CDK14: variants seen among roughly 807,000 people sequenced by gnomAD.
CDK14 encodes the protein cyclin dependent kinase 14.
Under a neutral mutation model 60.7 loss-of-function variants are expected in CDK14, and 34 were observed. That is an observed-to-expected ratio of 0.56 (90% confidence interval 0.43 to 0.75). The LOEUF is 0.75. Among genes scored for constraint, CDK14 ranks in the 30% least tolerant of loss-of-function variants. The pLI is 0.00. For missense variants in CDK14, 482 were observed against 564.1 expected (o/e 0.85, Z 1.47); for synonymous variants, 197 against 203.7 (o/e 0.97, Z 0.28).
intron 8 of CDK14, among the ~76,000 whole-genome samples, chr7:90,922,944 T>A (rs1793295000): frequency 6.6e-6 from 1 of 152,024 alleles, no homozygotes; most frequent in South Asian, 2.1e-4. Context: ...CCTCCCCCAC[T>A]ATTAACATCT....
chr7:91,086,246 C>G (rs1584036141), intron 12 of CDK14, among the ~76,000 whole-genome samples: 2 of 152,154 alleles, frequency 1.3e-5, no homozygotes, highest in African/African-American at 4.8e-5. Context: ...CTGGAGTACC[C>G]AATAAGCATA....
At chr7:90,949,592 TAAATA>T (rs963136474) in intron 8 of CDK14, among the ~76,000 whole-genome samples, 6 of 152,204 alleles carry the variant, frequency 3.9e-5, no homozygotes, top group Non-Finnish European at 8.8e-5. Flanking sequence ...CAGGGATAAT[TAAATA>T]AAATCAAATA....
rs1802937586 is a variant in CDK14 at position 91,207,420 on chromosome 7, T to C, written c.*284T>C. The C allele has an allele frequency of 6.6e-6, 1 of 152,604 alleles. No homozygotes were observed. The highest frequency in any genetic ancestry group is 2.4e-5 in the African/African-American group (1 of 41,478). 9.5% of individuals were successfully genotyped at this position (152,604 alleles called of 1,614,324 possible). On this transcript the variant is annotated 3_prime_UTR_variant, in exon 15 of 15. Coordinates refer to ENST00000380050, the MANE Select transcript of CDK14 (RefSeq NM_001287135.2). ...ACATGGCATGTATTCTTTTCAGTCT[T>C]TTGTGTTTGATTTTGTTTGATTTCC...
intron 2 of CDK14, among the ~76,000 whole-genome samples, chr7:90,671,601 A>T (rs916744418): frequency 1.3e-5 from 2 of 152,014 alleles, no homozygotes; most frequent in African/African-American, 4.8e-5. Context: ...AAGCTCGTAT[A>T]TTTTTATCTT....
rs149643611 is a variant in CDK14 at position 91,193,484 on chromosome 7, G to A, written c.*29-13681G>A. 4.8e-3 allele frequency among the ~76,000 whole-genome samples: 730 copies of A among 152,112 alleles called. 2 individuals are homozygous for A. Among genetic ancestry groups the A allele is most frequent in the Non-Finnish European group, 8.3e-3 (563 of 67,994 alleles). On this transcript the variant is annotated intron_variant, in intron 14 of 14. Transcript: ENST00000380050. The stretch of plus-strand genomic sequence containing the variant: ...GTCCACTGAGGGTTTGGTGAGAGTA[G>A]GAAAGGGGCAACATTAAAGACATTT...
chr7:90,745,487 C>G (rs1031655531), intron 3 of CDK14, among the ~76,000 whole-genome samples: 1 of 152,124 alleles, frequency 6.6e-6, no homozygotes, highest in African/African-American at 2.4e-5. Flanking sequence ...AGCCATTGAG[C>G]TTATTACTTT....
chr7:90,844,255 A>G (rs947714469), intron 5 of CDK14, among the ~76,000 whole-genome samples: 1 of 152,174 alleles, frequency 6.6e-6, no homozygotes, highest in Non-Finnish European at 1.5e-5. Context: ...GTAAATTCTA[A>G]TCTGCTTTTG....
chr7:90,956,589 A>T (rs1038506235), intron 9 of CDK14, among the ~76,000 whole-genome samples: 3 of 152,130 alleles, frequency 2.0e-5, no homozygotes, highest in African/African-American at 7.2e-5. Flanking sequence ...TACATAGCAC[A>T]TGGCTATTTT....
Position 90,621,328 on chromosome 7 carries a change from G to A in CDK14, c.123+17079G>A, listed in dbSNP as rs113692724. Among the ~76,000 whole-genome samples, 977 of 152,248 alleles carry A rather than the reference G, an allele frequency of 6.4e-3. 4 individuals carry two copies. Among genetic ancestry groups the A allele is most frequent in the Non-Finnish European group, 0.011 (724 of 68,008 alleles). On this transcript the variant is annotated intron_variant, in intron 2 of 14. Transcript: ENST00000380050. ...CCTTTGTCTCTACTCCATGTGTCTT[G>A]TGTTCATGTGTTGAGTAACTGGGGC...
At chr7:90,596,914 T>G (rs1054323800) in intron 1 of CDK14, among the ~76,000 whole-genome samples, 196 bp downstream of exon 1, 8 of 152,024 alleles carry the variant, frequency 5.3e-5, no homozygotes, top group African/African-American at 9.7e-5. Flanking sequence ...TTCCTCAGGA[T>G]CTGGGGGTTC....
intron 14 of CDK14, among the ~76,000 whole-genome samples, chr7:91,128,913 A>G (rs1424459180): frequency 6.6e-6 from 1 of 152,154 alleles, no homozygotes; most frequent in African/African-American, 2.4e-5. Flanking sequence ...AATTGCTGGT[A>G]CATATTGACA....
intron 4 of CDK14, among the ~76,000 whole-genome samples, chr7:90,751,834 G>T (rs1803859580): frequency 6.6e-6 from 1 of 152,152 alleles, no homozygotes. Context: ...GTTGGAGAAA[G>T]ATCTATCACT....
At chr7:90,962,675 C>A (rs1265976879) in intron 9 of CDK14, among the ~76,000 whole-genome samples, 1 of 151,918 alleles carries the variant, frequency 6.6e-6, no homozygotes, top group African/African-American at 2.4e-5. Flanking sequence ...TTTTTAAGAA[C>A]AAATAAAAAT....
Position 91,072,481 on chromosome 7 carries a change from A to G in CDK14, c.1106-6951A>G, listed in dbSNP as rs560588771. On this transcript the variant is annotated intron_variant, in intron 11 of 14. Coordinates refer to ENST00000380050, the MANE Select transcript of CDK14 (RefSeq NM_001287135.2). ...AAACAAACAAATAGAAAGCAACAACAGCATCAACAAAAATGTTCCCGCAAA... is the reference window on the plus strand; with the variant it reads ...AAACAAACAAATAGAAAGCAACAACGGCATCAACAAAAATGTTCCCGCAAA... 2.4e-4 allele frequency among the ~76,000 whole-genome samples: 36 copies of G among 152,298 alleles called. No individual in the cohort carries two copies. The South Asian group carries it at 6.4e-3, about 27-fold the overall frequency.
intron 11 of CDK14, among the ~76,000 whole-genome samples, chr7:91,049,938 G>A (rs1797344217): frequency 6.6e-6 from 1 of 152,144 alleles, no homozygotes; most frequent in South Asian, 2.1e-4. Context: ...CTGAGAAAGG[G>A]GAGGGGGTGA....
intron 4 of CDK14, among the ~76,000 whole-genome samples, chr7:90,788,904 C>T (rs763807306): frequency 1.3e-5 from 2 of 152,074 alleles, no homozygotes; most frequent in African/African-American, 4.8e-5. Flanking sequence ...AAATCAGACA[C>T]TGAGAACATA....
chr7:91,003,404 A>G (rs1218626364), intron 10 of CDK14, among the ~76,000 whole-genome samples: 2 of 152,066 alleles, frequency 1.3e-5, no homozygotes, highest in South Asian at 2.1e-4. Context: ...AATGGCAGCC[A>G]TGGTGTGTTA....
chr7:90,619,502 T>C (rs191133322), intron 2 of CDK14, among the ~76,000 whole-genome samples: 50 of 152,342 alleles, frequency 3.3e-4, no homozygotes, highest in African/African-American at 1.2e-3. Flanking sequence ...AGGCCTCAGA[T>C]GAGTATTTTT....
chr7:90,903,876 C>T (rs184883993), intron 7 of CDK14, among the ~76,000 whole-genome samples: 3 of 152,196 alleles, frequency 2.0e-5, no homozygotes, highest in East Asian at 1.9e-4. Context: ...AGTATCTTTA[C>T]GCAGGAAATG....
Sources: gnomAD v4.1 joint callset for allele counts (sites outside exome capture counted in the v4.1 genomes callset) on GRCh38, gnomAD v4.1.1 for gene constraint, MANE v1.5 for transcripts, NCBI Gene and HGNC (gene_info 2026-07-23, HGNC 2026-07-21) for gene names.